Variants in ZFR2 observed in about 807,000 individuals in gnomAD.
ZFR2 encodes the protein zinc finger RNA binding protein 2, also known as zinc finger RNA-binding protein 2.
In ZFR2, 104 loss-of-function variants were observed where a neutral mutation model predicts 105.7. The ratio of observed to expected loss-of-function variants is 0.98; its 90% CI spans 0.84 to 1.16. The LOEUF is 1.16. Ranked by LOEUF, ZFR2 falls within the 50% of genes most tolerant of loss-of-function variation. The probability of loss-of-function intolerance (pLI) is 0.00; values close to 1 mark genes in which losing one functional copy is unlikely to be tolerated. For synonymous variants in ZFR2, 634 were observed against 597.7 expected, an observed-to-expected ratio of 1.06 and a Z score of -0.89; for missense variants, 1,425 against 1,355.5, an observed-to-expected ratio of 1.05 and a Z score of -0.80.
chr19:3,820,109 T>C, intron 11 of ZFR2, 73 bp downstream of exon 11: 2 of 1,460,166 alleles, frequency 1.4e-6, no homozygotes, highest in Non-Finnish European at 1.9e-6. Context: ...GGCCGGGTCC[T>C]CCCGAGGAGG....
At chr19:3,846,121 C>T (rs532853210) in intron 1 of ZFR2, among the ~76,000 whole-genome samples, 6 of 152,332 alleles carry the variant, frequency 3.9e-5, no homozygotes, top group South Asian at 2.1e-4. Flanking sequence ...GGACTAAAGG[C>T]GTGTGCCACC....
chr19:3,818,585 G>C (rs1258189085), intron 12 of ZFR2, among the ~76,000 whole-genome samples: 3 of 152,180 alleles, frequency 2.0e-5, no homozygotes, highest in African/African-American at 7.2e-5. Context: ...TTACTTAGAC[G>C]ACGTGGGGAC....
At chr19:3,863,031 A>G (rs915042607) in intron 1 of ZFR2, among the ~76,000 whole-genome samples, 6 of 152,188 alleles carry the variant, frequency 3.9e-5, no homozygotes, top group Non-Finnish European at 7.3e-5. Context: ...CTGGCCCCCA[A>G]GGTGGCGACA....
intron 1 of ZFR2, among the ~76,000 whole-genome samples, chr19:3,857,356 CAA>C (rs2038317279): frequency 6.6e-6 from 1 of 151,974 alleles, no homozygotes; most frequent in South Asian, 2.1e-4. Flanking sequence ...TGTCAATTTT[CAA>C]AGTCTGACCC....
rs377119947 is a variant in ZFR2 at position 3,805,954 on chromosome 19, C to A, written c.2815G>T (p.Val939Leu). The A allele has an allele frequency of 3.5e-5, 54 of 1,531,616 alleles. 1 individual carries two copies. In the African/African-American group the frequency reaches 6.6e-4, roughly 19 times the overall value. The allele number at this position is 1,531,616 out of a possible 1,614,324, so 94.9% of individuals were successfully genotyped here. ...AGGTGGGGGAGGTAGGCGGCTCACA[C>A]GAGCCCCTCTCCGCCCCGCCGGCCC... ...KRGRRGGEGL[V>L] Residue 939 changes from valine (V) to leucine (L), a missense_variant, in exon 19 of 19, where the codon GTG becomes TTG. Physicochemically the swap from Val to Leu is conservative, Grantham distance 32. Transcript: ENST00000262961.
At chr19:3,850,377 T>G (rs867551450) in intron 1 of ZFR2, among the ~76,000 whole-genome samples, 1 of 151,910 alleles carries the variant, frequency 6.6e-6, no homozygotes, top group Non-Finnish European at 1.5e-5. Context: ...CAGTGCCAGG[T>G]AGAACCTGGG....
At chr19:3,851,754 T>TA (rs1373382266) in intron 1 of ZFR2, 2 of 152,540 alleles carry the variant, frequency 1.3e-5, no homozygotes, top group African/African-American at 4.8e-5. Context: ...TGGAAAAAGT[T>TA]AAAAGGGTAA....
rs116707392 is a variant in ZFR2 at position 3,831,107 on chromosome 19, G to A, written c.852+196C>T. Among the ~76,000 whole-genome samples, 729 of 150,734 alleles carry A rather than the reference G, an allele frequency of 4.8e-3. 8 individuals are homozygous for A. The highest frequency in any genetic ancestry group is 0.026 in the East Asian group (135 of 5,114). On this transcript the variant is annotated intron_variant, in intron 5 of 18. Transcript: ENST00000262961. ...CACATATACACATGCATAAACACACGCACACATACACACTCACACTTGCAC... is the reference window on the plus strand; with the variant it reads ...CACATATACACATGCATAAACACACACACACATACACACTCACACTTGCAC...
At chr19:3,844,603 A>G (rs2038169855) in intron 1 of ZFR2, among the ~76,000 whole-genome samples, 1 of 152,136 alleles carries the variant, frequency 6.6e-6, no homozygotes, top group Non-Finnish European at 1.5e-5. Flanking sequence ...CCCTGACCTC[A>G]AGTGATCCAC....
chr19:3,821,311 C>G, intron 10 of ZFR2, 29 bp downstream of exon 10: 3 of 1,545,854 alleles, frequency 1.9e-6, no homozygotes, highest in Non-Finnish European at 2.6e-6. Flanking sequence ...CCTCACCAGG[C>G]CCCCTTGCCA....
At chr19:3,850,345 C>T (rs776166943) in intron 1 of ZFR2, among the ~76,000 whole-genome samples, 3 of 151,942 alleles carry the variant, frequency 2.0e-5, no homozygotes, top group African/African-American at 4.8e-5. Context: ...TGAGGGGTGA[C>T]GGGAGGCAGC....
chr19:3,806,074 C>A lies in ZFR2; in HGVS notation c.2695G>T (p.Asp899Tyr). 2 of 1,528,362 alleles carry A rather than the reference C, an allele frequency of 1.3e-6. No homozygotes were observed. The highest frequency in any genetic ancestry group is 1.8e-6 in the Non-Finnish European group (2 of 1,138,650). The allele number at this position is 1,528,362 out of a possible 1,614,324, so 94.7% of individuals were successfully genotyped here. ...FRQTHKVLGM[D>Y]LLPPRHRLGA... ...AGCCGGTGTCTGGGCGGCAGGAGATCCATGCCCAGGACCTTGTGGGTCTGC... is the reference window on the plus strand; with the variant it reads ...AGCCGGTGTCTGGGCGGCAGGAGATACATGCCCAGGACCTTGTGGGTCTGC... The change falls in exon 19 of 19, where the codon GAT becomes TAT. Residue 899 changes from aspartate to tyrosine, a missense_variant. Coordinates refer to ENST00000262961, the MANE Select transcript of ZFR2 (RefSeq NM_015174.2).
In ZFR2 at chr19:3,811,352, G is replaced by A; in HGVS notation, c.2257C>T (p.Gln753Ter). 6.3e-7 allele frequency: 1 copy of A among 1,597,338 alleles called. No homozygotes were observed. The highest frequency in any genetic ancestry group is 1.3e-5 in the African/African-American group (1 of 74,690). ...CTCAGGACATCACCTGCATCAGCCT[G>A]AGGCTCCTCCACACCTTCTAGAAGA... ...PSTDPGVEEP[Q>*]ADAGDVLSPK... is the part of the protein sequence containing the mutation. The change falls in exon 15 of 19, where the codon CAG becomes TAG. Residue 753 changes from glutamine (Q) to a stop codon, truncating the protein, a stop_gained. Coordinates refer to ENST00000262961, the MANE Select transcript of ZFR2 (RefSeq NM_015174.2). LOFTEE classifies it high-confidence loss of function.
At chr19:3,833,640 G>A in intron 3 of ZFR2, 24 bp downstream of exon 3, 1 of 1,530,240 alleles carries the variant, frequency 6.5e-7, no homozygotes, top group Non-Finnish European at 8.8e-7. Flanking sequence ...CTCGTTCCCA[G>A]CCCCGACCCT....
intron 1 of ZFR2, among the ~76,000 whole-genome samples, chr19:3,854,325 G>A (rs866692155): frequency 7.3e-5 from 11 of 150,950 alleles, no homozygotes; most frequent in African/African-American, 1.7e-4. Flanking sequence ...CCTAGGAGGC[G>A]GAAGCTGCAG....
intron 5 of ZFR2, 134 bp downstream of exon 5, chr19:3,831,169 C>T: frequency 7.8e-7 from 1 of 1,288,076 alleles, no homozygotes. Context: ...GCCATGCATA[C>T]AACATGCAAG....
intron 3 of ZFR2, among the ~76,000 whole-genome samples, chr19:3,832,105 G>A (rs2038023449): frequency 1.3e-5 from 2 of 152,142 alleles, no homozygotes; most frequent in African/African-American, 4.8e-5. Flanking sequence ...GAGGGCTGTG[G>A]GTGCCCTAGA....
At chr19:3,845,114 C>T (rs745788177) in intron 1 of ZFR2, among the ~76,000 whole-genome samples, 2 of 152,206 alleles carry the variant, frequency 1.3e-5, no homozygotes, top group African/African-American at 2.4e-5. Context: ...TGTGTCCTCA[C>T]GTGGTTGTCC....
At position 3,827,728 on chromosome 19, in the gene ZFR2, G is replaced by A. The variant is rs372883709; in HGVS notation, c.853-75C>T. On this transcript the variant is annotated intron_variant, in intron 5 of 18. Transcript: ENST00000262961. ...ACTGTCCCCTCCCCTGCAGGCCCCCGGCTTAGCGCGAGGGAACTCGGTGGT... is the reference window on the plus strand; with the variant it reads ...ACTGTCCCCTCCCCTGCAGGCCCCCAGCTTAGCGCGAGGGAACTCGGTGGT... 5.4e-4 allele frequency: 818 copies of A among 1,516,676 alleles called. 5 individuals carry two copies. The African/African-American group carries it at 0.01, about 19-fold the overall frequency. 94.0% of individuals were successfully genotyped at this position (1,516,676 alleles called of 1,614,324 possible).
Sources: allele counts gnomAD v4.1 joint callset (sites outside exome capture counted in the v4.1 genomes callset), GRCh38; gene constraint gnomAD v4.1.1; transcripts MANE v1.5; gene names NCBI Gene and HGNC (gene_info 2026-07-23, HGNC 2026-07-21).